The following PDE4B variants were observed in gnomAD, a reference collection of about 807,000 sequenced individuals.
PDE4B encodes phosphodiesterase 4B.
A neutral mutation model predicts 82.2 loss-of-function variants in PDE4B; 20 were observed. That is an observed-to-expected ratio of 0.24 (90% confidence interval 0.17 to 0.35). The LOEUF is 0.35. Among genes scored for constraint, PDE4B ranks in the 10% least tolerant of loss-of-function variants. The pLI, the probability that PDE4B is intolerant of heterozygous loss-of-function variation, is 1.00. For missense variants in PDE4B, 655 were observed against 907.2 expected (o/e 0.72, Z 3.57); for synonymous variants, 320 against 318.9 (o/e 1.00, Z -0.04).
intron 7 of PDE4B, among the ~76,000 whole-genome samples, chr1:66,301,456 G>A (rs1657891855): frequency 6.6e-6 from 1 of 152,060 alleles, no homozygotes; most frequent in East Asian, 1.9e-4. Flanking sequence ...TGTCACAGAG[G>A]AGGAACCAGA....
At chr1:66,266,330 G>GC (rs1655036656) in intron 7 of PDE4B, among the ~76,000 whole-genome samples, 2 of 152,140 alleles carry the variant, frequency 1.3e-5, no homozygotes, top group African/African-American at 4.8e-5. Context: ...TGATAAACAT[G>GC]GGGTAATGCT....
intron 3 of PDE4B, among the ~76,000 whole-genome samples, chr1:66,119,043 C>T (rs1316891330): frequency 2.0e-5 from 3 of 152,092 alleles, no homozygotes. Flanking sequence ...AAAATTCATC[C>T]AGAGAGATGA....
chr1:66,332,278 ATCCAG>A, intron 7 of PDE4B: 7 of 1,501,210 alleles, frequency 4.7e-6, no homozygotes, highest in Non-Finnish European at 5.3e-6. Flanking sequence ...CCGACACCTC[ATCCAG>A]GCGGGGGGTT....
rs1218056160 is a variant in PDE4B at position 66,333,288 on chromosome 1, A to T, written c.747+668A>T. On this transcript the variant is annotated intron_variant, in intron 8 of 16. Transcript: ENST00000341517. Reference sequence around the variant, plus strand: ...GGTTTTATTTACAATCCCCAGACAAAGCTTAATGTTGAAGAGCCTTAATTA... The same window carrying T: ...GGTTTTATTTACAATCCCCAGACAATGCTTAATGTTGAAGAGCCTTAATTA... Among the ~76,000 whole-genome samples, 6 of 152,336 alleles carry T rather than the reference A, an allele frequency of 3.9e-5. No homozygotes were observed. In the South Asian group the frequency reaches 1.2e-3, roughly 32 times the overall value.
chr1:65,849,627 G>T (rs1571012994), intron 1 of PDE4B, among the ~76,000 whole-genome samples: 1 of 152,224 alleles, frequency 6.6e-6, no homozygotes, highest in South Asian at 2.1e-4. Flanking sequence ...GCACTCCACT[G>T]CAAAACTACC....
chr1:65,813,243 G>A (rs1343032567), intron 1 of PDE4B, among the ~76,000 whole-genome samples: 1 of 152,122 alleles, frequency 6.6e-6, no homozygotes, highest in African/African-American at 2.4e-5. Context: ...AATCGTGGGA[G>A]GTCACTATAA....
At chr1:66,347,842 G>T (rs1661519281) in intron 8 of PDE4B, among the ~76,000 whole-genome samples, 1 of 152,040 alleles carries the variant, frequency 6.6e-6, no homozygotes, top group African/African-American at 2.4e-5. Flanking sequence ...AATAAGGCAG[G>T]ATTTAAAACA....
Position 66,156,592 on chromosome 1 carries a change from G to GA in PDE4B, c.282-90858dup, listed in dbSNP as rs1224644635. On this transcript the variant is annotated intron_variant, in intron 3 of 16. Coordinates refer to ENST00000341517, the MANE Select transcript of PDE4B (RefSeq NM_002600.4). Reference sequence around the variant, plus strand: ...TCCTTAGACTCCACATTCCCCATCAGAAAAAAAAAACAAACAAACCTGTAT... The same window carrying GA: ...TCCTTAGACTCCACATTCCCCATCAGAAAAAAAAAAACAAACAAACCTGTAT... 5.3e-3 allele frequency among the ~76,000 whole-genome samples: 764 copies of GA among 145,174 alleles called. 5 individuals are homozygous for GA. Among genetic ancestry groups the GA allele is most frequent in the African/African-American group, 0.016 (652 of 39,662 alleles).
At chr1:65,832,877 C>T (rs1404407254) in intron 1 of PDE4B, among the ~76,000 whole-genome samples, 1 of 152,150 alleles carries the variant, frequency 6.6e-6, no homozygotes, top group East Asian at 1.9e-4. Flanking sequence ...AATAGTATAG[C>T]AAATGATTAG....
In PDE4B at chr1:65,941,530, A is replaced by G. The variant is rs1170150648; in HGVS notation, c.281+22695A>G. On this transcript the variant is annotated intron_variant, in intron 3 of 16. Transcript: ENST00000341517. ...GTCCTTTACCAGAGGAAAAACCAGAAAGGAGAAAACCTTTAAGATATACCT... is the reference window on the plus strand; with the variant it reads ...GTCCTTTACCAGAGGAAAAACCAGAGAGGAGAAAACCTTTAAGATATACCT... 2.0e-5 allele frequency among the ~76,000 whole-genome samples: 3 copies of G among 151,936 alleles called. No individual in the cohort carries two copies. The South Asian group carries it at 6.2e-4, about 32-fold the overall frequency.
At chr1:66,121,944 A>G (rs1250574515) in intron 3 of PDE4B, among the ~76,000 whole-genome samples, 2 of 151,700 alleles carry the variant, frequency 1.3e-5, no homozygotes, top group African/African-American at 2.4e-5. Flanking sequence ...TTTCTGTCTC[A>G]TATCTCTCAT....
rs533667247 is a variant in PDE4B, at chr1:65,909,538, T to A, written c.-70-3707T>A. On this transcript the variant is annotated intron_variant, in intron 1 of 16. Coordinates refer to ENST00000341517, the MANE Select transcript of PDE4B (RefSeq NM_002600.4). The stretch of plus-strand genomic sequence containing the variant: ...TGCAATTATATAAAGAATATTCTAG[T>A]GTGAATAAAACAGAACGTTATGAAG... Among the ~76,000 whole-genome samples, 5 of 152,262 alleles carry A rather than the reference T, an allele frequency of 3.3e-5. No homozygotes were observed. In the South Asian group the frequency reaches 1.0e-3, roughly 32 times the overall value.
At chr1:65,915,967 G>T (rs1647155009) in intron 2 of PDE4B, among the ~76,000 whole-genome samples, 1 of 152,068 alleles carries the variant, frequency 6.6e-6, no homozygotes, top group Non-Finnish European at 1.5e-5. Flanking sequence ...TGAAAATTTA[G>T]GAAAGGAAGT....
At position 66,363,517 on chromosome 1, in the gene PDE4B, C is replaced by T. The variant is rs368002134; in HGVS notation, c.1230C>T (p.His410=). 4.9e-5 allele frequency: 79 copies of T among 1,613,582 alleles called. No homozygotes were observed. In the Middle Eastern group the frequency reaches 4.9e-4, roughly 10 times the overall value. ...HSDVAYHNSL[H]AADVAQSTHV... The stretch of plus-strand genomic sequence containing the variant: ...ACGTGGCATATCACAACAGCCTGCA[C>T]GCTGCTGATGTAGCCCAGTCGACCC... Residue 410 remains histidine, a synonymous_variant, in exon 12 of 17, where the codon CAC becomes CAT. Coordinates refer to ENST00000341517, the MANE Select transcript of PDE4B (RefSeq NM_002600.4).
At chr1:65,891,299 G>T (rs1441681565) in intron 1 of PDE4B, among the ~76,000 whole-genome samples, 2 of 152,016 alleles carry the variant, frequency 1.3e-5, no homozygotes, top group Non-Finnish European at 2.9e-5. Context: ...CTAATGACAG[G>T]CATCTGCTCT....
At chr1:66,184,269 A>G (rs983954705) in intron 3 of PDE4B, among the ~76,000 whole-genome samples, 5 of 152,176 alleles carry the variant, frequency 3.3e-5, no homozygotes, top group Non-Finnish European at 7.4e-5. Flanking sequence ...TCATGGTGCC[A>G]ATTAGGAGGT....
chr1:66,225,650 A>G (rs1651391786), intron 3 of PDE4B, among the ~76,000 whole-genome samples: 1 of 152,218 alleles, frequency 6.6e-6, no homozygotes, highest in African/African-American at 2.4e-5. Flanking sequence ...TTCTAAACTG[A>G]ATACCTGGGC....
intron 3 of PDE4B, among the ~76,000 whole-genome samples, chr1:66,020,048 G>T (rs78279591): frequency 1.6e-4 from 25 of 152,268 alleles, no homozygotes; most frequent in Non-Finnish European, 3.4e-4. Context: ...AGTTACTATC[G>T]ACAAGCATAT....
chr1:66,066,555 T>G (rs1358190842), intron 3 of PDE4B, among the ~76,000 whole-genome samples: 1 of 151,904 alleles, frequency 6.6e-6, no homozygotes, highest in East Asian at 1.9e-4. Flanking sequence ...CGTGCCAACA[T>G]TTAGAAAAAT....
Sources: gnomAD v4.1 joint callset for allele counts (sites outside exome capture counted in the v4.1 genomes callset) on GRCh38, gnomAD v4.1.1 for gene constraint, MANE v1.5 for transcripts, NCBI Gene and HGNC (gene_info 2026-07-23, HGNC 2026-07-21) for gene names.